KCNQ5: variants seen among roughly 807,000 people sequenced by gnomAD.
KCNQ5 encodes potassium voltage-gated channel subfamily Q member 5, also known as potassium voltage-gated channel subfamily KQT member 5.
In KCNQ5, 30 loss-of-function variants were observed where a neutral mutation model predicts 98.2. The observed-to-expected ratio is 0.31, with a 90% confidence interval of 0.23 to 0.41. The LOEUF (loss-of-function observed/expected upper bound fraction) is 0.41. KCNQ5 is among the 10% of genes least tolerant of loss of function. The probability of loss-of-function intolerance (pLI) is 1.00; values close to 1 mark genes in which losing one functional copy is unlikely to be tolerated. For synonymous variants in KCNQ5, 458 were observed against 449.4 expected (o/e 1.02, Z -0.24); for missense variants, 835 against 1,182.5 (o/e 0.71, Z 4.31).
intron 1 of KCNQ5, among the ~76,000 whole-genome samples, chr6:72,808,565 C>T (rs902693586): frequency 4.6e-5 from 7 of 152,118 alleles, no homozygotes; most frequent in African/African-American, 1.4e-4. Flanking sequence ...AATAGAAAGG[C>T]CCTTTTTACT....
chr6:73,085,581 G>C (rs751912488), intron 5 of KCNQ5, among the ~76,000 whole-genome samples: 1 of 152,192 alleles, frequency 6.6e-6, no homozygotes, highest in African/African-American at 2.4e-5. Flanking sequence ...AGCCTGAACC[G>C]GAGTGTAGGG....
chr6:73,116,683 A>G (rs1775511535), intron 7 of KCNQ5, among the ~76,000 whole-genome samples: 1 of 152,162 alleles, frequency 6.6e-6, no homozygotes, highest in Non-Finnish European at 1.5e-5. Context: ...CTCAAAAATA[A>G]TAATAATAAT....
At chr6:72,873,892 C>T (rs1778308005) in intron 1 of KCNQ5, among the ~76,000 whole-genome samples, 2 of 151,864 alleles carry the variant, frequency 1.3e-5, no homozygotes, top group South Asian at 2.1e-4. Flanking sequence ...TAATGACAGT[C>T]AGCAAGTATG....
chr6:72,623,695 T>G (rs1313278718), intron 1 of KCNQ5, among the ~76,000 whole-genome samples: 1 of 152,196 alleles, frequency 6.6e-6, no homozygotes, highest in African/African-American at 2.4e-5. Context: ...TATTTCTGCT[T>G]CTTTTTTGTT....
At chr6:73,186,946 C>T (rs1485470287) in intron 11 of KCNQ5, among the ~76,000 whole-genome samples, 2 of 152,122 alleles carry the variant, frequency 1.3e-5, no homozygotes, top group African/African-American at 2.4e-5. Context: ...CCCCCTGCTC[C>T]CTACCCCATG....
At chr6:72,836,558 C>T (rs563846383) in intron 1 of KCNQ5, among the ~76,000 whole-genome samples, 48 of 152,180 alleles carry the variant, frequency 3.2e-4, no homozygotes, top group African/African-American at 1.2e-3. Flanking sequence ...CCCACCTCAG[C>T]CTCCCAAGTA....
intron 1 of KCNQ5, among the ~76,000 whole-genome samples, chr6:72,751,517 A>T (rs904791716): frequency 4.6e-5 from 7 of 152,114 alleles, no homozygotes; most frequent in African/African-American, 1.7e-4. Flanking sequence ...CATTTACAAT[A>T]CAAAAATCAT....
chr6:72,892,101 A>G (rs1413958589), intron 1 of KCNQ5, among the ~76,000 whole-genome samples: 2 of 152,202 alleles, frequency 1.3e-5, no homozygotes, highest in Non-Finnish European at 2.9e-5. Context: ...TCACAGAATG[A>G]TGGACAAAGA....
intron 2 of KCNQ5, among the ~76,000 whole-genome samples, chr6:73,036,340 C>A (rs545027587): frequency 6.8e-6 from 1 of 146,838 alleles, no homozygotes; most frequent in African/African-American, 2.6e-5. Flanking sequence ...GAGCCGAGAT[C>A]GCACCACTGC....
intron 1 of KCNQ5, among the ~76,000 whole-genome samples, chr6:72,944,529 C>A (rs1766451104): frequency 6.6e-6 from 1 of 152,172 alleles, no homozygotes; most frequent in African/African-American, 2.4e-5. Context: ...CCTAGTGAAT[C>A]ATTTTGTCAT....
chr6:72,882,743 C>A (rs183657589), intron 1 of KCNQ5, among the ~76,000 whole-genome samples: 1 of 152,184 alleles, frequency 6.6e-6, no homozygotes, highest in East Asian at 1.9e-4. Context: ...CTTTTATTTT[C>A]TTCCCTTTGA....
intron 10 of KCNQ5, among the ~76,000 whole-genome samples, chr6:73,148,914 A>T (rs975537432): frequency 1.3e-5 from 2 of 152,208 alleles, no homozygotes; most frequent in African/African-American, 4.8e-5. Flanking sequence ...CTGAGAAGGG[A>T]GCAAGTAATA....
chr6:72,680,833 C>T (rs1767667473), intron 1 of KCNQ5, among the ~76,000 whole-genome samples: 1 of 152,168 alleles, frequency 6.6e-6, no homozygotes, highest in African/African-American at 2.4e-5. Flanking sequence ...CATTATGTTT[C>T]CTCATTGGCT....
At chr6:72,863,261 G>A (rs1001193506) in intron 1 of KCNQ5, among the ~76,000 whole-genome samples, 4 of 152,284 alleles carry the variant, frequency 2.6e-5, no homozygotes, top group East Asian at 1.9e-4. Context: ...AGTTTTTCCA[G>A]ACCCTTACAT....
chr6:72,682,889 A>G (rs932404214), intron 1 of KCNQ5, among the ~76,000 whole-genome samples: 5 of 152,238 alleles, frequency 3.3e-5, no homozygotes, highest in African/African-American at 1.2e-4. Context: ...AAGAGGAGAA[A>G]GGCTCCTCCA....
chr6:72,868,610 G>A (rs1028031962), intron 1 of KCNQ5, among the ~76,000 whole-genome samples: 1 of 152,176 alleles, frequency 6.6e-6, no homozygotes, highest in African/African-American at 2.4e-5. Context: ...GGCAACCGGT[G>A]ACTCTGCAGT....
intron 1 of KCNQ5, among the ~76,000 whole-genome samples, chr6:72,660,882 C>T (rs1766485596): frequency 6.6e-6 from 1 of 152,070 alleles, no homozygotes; most frequent in Non-Finnish European, 1.5e-5. Flanking sequence ...TGTGTTTTAT[C>T]AGACTAGTAA....
chr6:73,195,681 G>T lies in KCNQ5; in HGVS notation c.*267G>T, dbSNP rs953756877. On this transcript the variant is annotated 3_prime_UTR_variant, in exon 14 of 14. Transcript: ENST00000370398. ...AACCAAACACAGCTAATGCTATGGG[G>T]TGTATGAATATGTCAAGTTTAGGTC... The T allele has an allele frequency of 2.5e-6, 1 of 401,042 alleles. No homozygotes were observed. The highest frequency in any genetic ancestry group is 2.0e-5 in the African/African-American group (1 of 50,104). 24.8% of individuals were successfully genotyped at this position (401,042 alleles called of 1,614,324 possible). A position where few individuals can be genotyped will look rare whatever the true frequency, so the allele number is the denominator to read the frequency against.
intron 1 of KCNQ5, among the ~76,000 whole-genome samples, chr6:72,763,149 A>G (rs1772374421): frequency 6.6e-6 from 1 of 151,992 alleles, no homozygotes; most frequent in Admixed American, 6.6e-5. Context: ...ATAAAGATAT[A>G]TCTTTATATT....
Sources: allele counts gnomAD v4.1 joint callset (sites outside exome capture counted in the v4.1 genomes callset), GRCh38; gene constraint gnomAD v4.1.1; transcripts MANE v1.5; gene names NCBI Gene and HGNC (gene_info 2026-07-23, HGNC 2026-07-21).